CATSPERB: variants seen among roughly 807,000 people sequenced by gnomAD.
CATSPERB encodes catsper channel auxiliary subunit beta, also known as cation channel sperm-associated auxiliary subunit beta.
A neutral mutation model predicts 128.3 loss-of-function variants in CATSPERB; 93 were observed. The observed-to-expected ratio is 0.72, with a 90% CI of 0.61 to 0.86. The LOEUF (loss-of-function observed/expected upper bound fraction) is 0.86, where lower values mean the gene tolerates loss of function less well. CATSPERB is among the 40% of genes least tolerant of loss of function. The probability of loss-of-function intolerance (pLI) is 0.00; values close to 1 mark genes in which losing one functional copy is unlikely to be tolerated. For synonymous variants in CATSPERB, 381 were observed against 448.8 expected (o/e 0.85, Z 1.91); for missense variants, 1,153 against 1,329.5 (o/e 0.87, Z 2.06).
intron 22 of CATSPERB, among the ~76,000 whole-genome samples, chr14:91,597,990 GT>G (rs748032210): frequency 3.4e-4 from 49 of 144,192 alleles, no homozygotes; most frequent in South Asian, 8.8e-4. Context: ...AAAAGTTTTT[GT>G]TTTTTTTTTT....
intron 22 of CATSPERB, 53 bp from the exon 23 acceptor site, chr14:91,592,055 T>C (rs560511769): frequency 2.8e-5 from 29 of 1,052,360 alleles, no homozygotes; most frequent in Non-Finnish European, 4.2e-5. Flanking sequence ...GCGGGATTTC[T>C]GCAAACTGAT....
intron 17 of CATSPERB, chr14:91,636,218 C>T: frequency 2.0e-6 from 1 of 489,424 alleles, no homozygotes; most frequent in Non-Finnish European, 3.6e-6. Flanking sequence ...CAAAACTTAG[C>T]CGGGCTTGGT....
chr14:91,705,488 C>G (rs1895719529), intron 6 of CATSPERB, among the ~76,000 whole-genome samples: 1 of 152,256 alleles, frequency 6.6e-6, no homozygotes, highest in Admixed American at 6.5e-5. Flanking sequence ...CAATGCAGCA[C>G]AGGCAGAATA....
chr14:91,648,223 A>C (rs994946297), intron 15 of CATSPERB, among the ~76,000 whole-genome samples: 4 of 152,054 alleles, frequency 2.6e-5, no homozygotes, highest in Non-Finnish European at 5.9e-5. Context: ...AAAATCTTAC[A>C]TTTTCCAGTA....
chr14:91,729,555 C>T (rs569413113), intron 1 of CATSPERB, 76 bp from the exon 2 acceptor site: 1 of 705,626 alleles, frequency 1.4e-6, no homozygotes, highest in African/African-American at 1.8e-5. Context: ...TAAACAACTA[C>T]AAAGTAGTAA....
intron 22 of CATSPERB, among the ~76,000 whole-genome samples, chr14:91,601,774 A>AT (rs942098811): frequency 7.9e-5 from 12 of 152,098 alleles, no homozygotes; most frequent in Admixed American, 5.9e-4. Flanking sequence ...GTTTTTAGGT[A>AT]TTTTTTCCCC....
chr14:91,664,534 GGGATTACAGTCT>G (rs1894946376), intron 14 of CATSPERB, among the ~76,000 whole-genome samples: 1 of 151,960 alleles, frequency 6.6e-6, no homozygotes, highest in Non-Finnish European at 1.5e-5. Context: ...CCAAAGTGCT[GGGATTACAGTCT>G]TCCATGTCTT....
chr14:91,661,549 T>TATATATATATATA (rs1894886330), intron 14 of CATSPERB, among the ~76,000 whole-genome samples: 1 of 52,700 alleles, frequency 1.9e-5, no homozygotes, highest in African/African-American at 6.5e-5. Flanking sequence ...ATATATATAT[T>TATATATATATATA]TAAGACAGGG....
At chr14:91,682,165 T>C (rs1895293072) in intron 11 of CATSPERB, among the ~76,000 whole-genome samples, 1 of 152,194 alleles carries the variant, frequency 6.6e-6, no homozygotes. Flanking sequence ...TGGAGTCATT[T>C]CTATACCTGG....
chr14:91,730,768 T>C (rs1896197480), intron 1 of CATSPERB, among the ~76,000 whole-genome samples: 1 of 152,254 alleles, frequency 6.6e-6, no homozygotes. Context: ...ATGTAACTGG[T>C]GTTTTTCCTT....
rs183162403 is a variant in CATSPERB, at chr14:91,585,694, C to T, written c.3132+1508G>A. On this transcript the variant is annotated intron_variant, in intron 26 of 26. Transcript: ENST00000256343. ...TGCATTTGTGGTCCTTTGTTGATGT[C>T]TTTTCTCTTCAGAATTGATTATATT... Among the ~76,000 whole-genome samples the T allele has an allele frequency of 6.3e-3, 952 of 152,168 alleles. 8 individuals carry two copies. The highest frequency in any genetic ancestry group is 9.5e-3 in the Non-Finnish European group (644 of 68,008).
At chr14:91,610,001 G>A (rs1201670383) in intron 21 of CATSPERB, among the ~76,000 whole-genome samples, 8 of 152,316 alleles carry the variant, frequency 5.3e-5, no homozygotes, top group Non-Finnish European at 1.2e-4. Flanking sequence ...GATTACAGGC[G>A]TGAGCCACCA....
intron 17 of CATSPERB, among the ~76,000 whole-genome samples, chr14:91,626,679 C>T (rs569322034): frequency 1.3e-5 from 2 of 152,260 alleles, no homozygotes; most frequent in East Asian, 3.9e-4. Flanking sequence ...GATGACGGAG[C>T]ATGAGGCCCT....
intron 5 of CATSPERB, among the ~76,000 whole-genome samples, chr14:91,718,585 T>C (rs1895980357): frequency 6.6e-6 from 1 of 152,040 alleles, no homozygotes; most frequent in Admixed American, 6.5e-5. Flanking sequence ...GGCTGACCCA[T>C]AAGAAAGATA....
intron 6 of CATSPERB, among the ~76,000 whole-genome samples, chr14:91,707,195 T>C (rs2139856776): frequency 6.6e-6 from 1 of 152,280 alleles, no homozygotes; most frequent in African/African-American, 2.4e-5. Context: ...GCAACACTAG[T>C]CTCCCTTTAG....
chr14:91,709,524 C>CAAAAAAAAAAAAAAAA (rs71120188), intron 5 of CATSPERB: 15 of 74,634 alleles, frequency 2.0e-4, no homozygotes, highest in African/African-American at 2.6e-4. Context: ...ACTAAAAATA[C>CAAAAAAAAAAAAAAAA]AAAAAAAAAA....
Position 91,586,571 on chromosome 14 carries a change from AAG to A in CATSPERB, c.3132+629_3132+630del, listed in dbSNP as rs35756131. On this transcript the variant is annotated intron_variant, in intron 26 of 26. Coordinates refer to ENST00000256343, the MANE Select transcript of CATSPERB (RefSeq NM_024764.4). ...GGAGAGAGAGAGAGAGAGAGAGAGAAAGAGAGAGAGAGAGAGAGAGAGACAGA... is the reference window on the plus strand; with the variant it reads ...GGAGAGAGAGAGAGAGAGAGAGAGAAAGAGAGAGAGAGAGAGAGAGACAGA... 7.0e-3 allele frequency among the ~76,000 whole-genome samples: 800 copies of A among 114,236 alleles called. 9 individuals are homozygous for A. The highest frequency in any genetic ancestry group is 0.027 in the African/African-American group (749 of 27,768). The allele number at this position is 114,236 out of a possible 152,430, so 74.9% of individuals were successfully genotyped here.
intron 9 of CATSPERB, among the ~76,000 whole-genome samples, 185 bp from the exon 10 acceptor site, chr14:91,691,740 T>C (rs951892866): frequency 2.0e-5 from 3 of 152,238 alleles, no homozygotes; most frequent in Non-Finnish European, 4.4e-5. Flanking sequence ...AACTCTGATA[T>C]AGTTTATACA....
intron 15 of CATSPERB, among the ~76,000 whole-genome samples, chr14:91,658,400 C>T (rs1894821517): frequency 2.0e-5 from 3 of 150,708 alleles, no homozygotes; most frequent in African/African-American, 7.3e-5. Flanking sequence ...GGTAGTGGGG[C>T]ATTATGTAGG....
Sources: allele counts gnomAD v4.1 joint callset (sites outside exome capture counted in the v4.1 genomes callset), GRCh38; gene constraint gnomAD v4.1.1; transcripts MANE v1.5; gene names NCBI Gene and HGNC (gene_info 2026-07-23, HGNC 2026-07-21).